FAM210A: variants seen among roughly 807,000 people sequenced by gnomAD.
FAM210A encodes mitochondrial inner membrane scaffold 1, also known as family with sequence similarity 210 member A.
A neutral mutation model predicts 25.3 loss-of-function variants in FAM210A; 13 were observed. The ratio of observed to expected loss-of-function variants is 0.51; its 90% CI spans 0.33 to 0.82. The LOEUF (loss-of-function observed/expected upper bound fraction) is 0.82. Among genes scored for constraint, FAM210A ranks in the 40% least tolerant of loss-of-function variants. The pLI is 0.02. For synonymous variants in FAM210A, 125 were observed against 118.7 expected (o/e 1.05, Z -0.35); for missense variants, 319 against 323.2 (o/e 0.99, Z 0.10).
At chr18:13,696,454 G>A (rs933574004) in intron 1 of FAM210A, among the ~76,000 whole-genome samples, 1 of 152,252 alleles carries the variant, frequency 6.6e-6, no homozygotes, top group African/African-American at 2.4e-5. Flanking sequence ...AGAAAATATT[G>A]TAAAACATTT....
chr18:13,676,061 T>C (rs551407083), intron 2 of FAM210A, among the ~76,000 whole-genome samples: 1 of 149,688 alleles, frequency 6.7e-6, no homozygotes, highest in African/African-American at 2.5e-5. Flanking sequence ...ATTATTAACA[T>C]TCCTGAGCCG....
chr18:13,686,533 T>C (rs1174369257), intron 1 of FAM210A, among the ~76,000 whole-genome samples: 1 of 152,208 alleles, frequency 6.6e-6, no homozygotes, highest in African/African-American at 2.4e-5. Context: ...TGCTAGTAAG[T>C]GTGTATATTC....
At chr18:13,687,966 C>T (rs543700884) in intron 1 of FAM210A, 3 of 152,266 alleles carry the variant, frequency 2.0e-5, no homozygotes, top group African/African-American at 7.2e-5. Flanking sequence ...CAGTAACAAA[C>T]CCTTCAATAT....
intron 1 of FAM210A, among the ~76,000 whole-genome samples, chr18:13,695,940 A>C (rs974816338): frequency 3.3e-5 from 5 of 152,246 alleles, no homozygotes; most frequent in African/African-American, 1.2e-4. Context: ...AACTGTCTTT[A>C]TAGATACTAG....
At chr18:13,672,689 T>G (rs1201246236) in intron 2 of FAM210A, among the ~76,000 whole-genome samples, 3 of 152,234 alleles carry the variant, frequency 2.0e-5, no homozygotes, top group Non-Finnish European at 4.4e-5. Flanking sequence ...ATTACAGGCA[T>G]GAGCCACAGT....
chr18:13,678,092 A>G (rs1315671438), intron 2 of FAM210A, among the ~76,000 whole-genome samples: 1 of 152,188 alleles, frequency 6.6e-6, no homozygotes, highest in Non-Finnish European at 1.5e-5. Flanking sequence ...TTCTTTTTCA[A>G]ATCTCTTTCT....
At chr18:13,695,975 T>TA (rs1253039517) in intron 1 of FAM210A, among the ~76,000 whole-genome samples, 1 of 152,072 alleles carries the variant, frequency 6.6e-6, no homozygotes, top group Admixed American at 6.6e-5. Flanking sequence ...AATTTGAAGT[T>TA]AAAAAATACC....
chr18:13,723,508 T>G (rs1356122253), intron 1 of FAM210A, among the ~76,000 whole-genome samples: 2 of 152,196 alleles, frequency 1.3e-5, no homozygotes, highest in African/African-American at 2.4e-5. Context: ...ACAGGAAACT[T>G]AGGCAGGAAT....
intron 2 of FAM210A, among the ~76,000 whole-genome samples, chr18:13,676,422 T>C (rs1437490790): frequency 4.5e-5 from 6 of 134,230 alleles, no homozygotes; most frequent in Non-Finnish European, 8.7e-5. Context: ...AGTTTCCTGA[T>C]TATTAACAGT....
At chr18:13,676,061 T>A (rs551407083) in intron 2 of FAM210A, among the ~76,000 whole-genome samples, 60 of 149,798 alleles carry the variant, frequency 4.0e-4, no homozygotes, top group Non-Finnish European at 7.7e-4. Context: ...ATTATTAACA[T>A]TCCTGAGCCG....
chr18:13,671,501 A>G (rs2043441734), intron 3 of FAM210A, among the ~76,000 whole-genome samples: 1 of 152,156 alleles, frequency 6.6e-6, no homozygotes, highest in Non-Finnish European at 1.5e-5. Context: ...TGAATGATCT[A>G]CCAATTTTTA....
At chr18:13,680,705 T>G (rs2043545922) in intron 2 of FAM210A, among the ~76,000 whole-genome samples, 1 of 152,180 alleles carries the variant, frequency 6.6e-6, no homozygotes, top group Non-Finnish European at 1.5e-5. Flanking sequence ...CTCTGGAAAG[T>G]ATAAAATAAT....
At chr18:13,684,980 A>G (rs2043584812) in intron 1 of FAM210A, among the ~76,000 whole-genome samples, 1 of 152,212 alleles carries the variant, frequency 6.6e-6, no homozygotes. Context: ...AACTTCTAAA[A>G]AGAAATTTAA....
rs534885890 is a variant in FAM210A, at chr18:13,689,314, A to G, written c.-28-7209T>C. On this transcript the variant is annotated intron_variant, in intron 1 of 3. Coordinates refer to ENST00000651643, the MANE Select transcript of FAM210A (RefSeq NM_152352.4). Reference sequence around the variant, plus strand: ...CCAATAAGCCTCCACTGACTGTGACACCTACCTCAGTCACTCATTTTGGTT... The same window carrying G: ...CCAATAAGCCTCCACTGACTGTGACGCCTACCTCAGTCACTCATTTTGGTT... Among the ~76,000 whole-genome samples, 202 of 152,264 alleles carry G rather than the reference A, an allele frequency of 1.3e-3. 1 individual carries two copies. Among genetic ancestry groups the G allele is most frequent in the African/African-American group, 4.8e-3 (198 of 41,548 alleles).
Position 13,682,103 on chromosome 18 carries a change from C to A in FAM210A, c.-26G>T. On this transcript the variant is annotated splice_region_variant and 5_prime_UTR_variant, in exon 2 of 4. Coordinates refer to ENST00000651643, the MANE Select transcript of FAM210A (RefSeq NM_152352.4). ...TTTGAAGAGTGTTGATAGGTTTCAG[C>A]TTCTACAAAGACAATTTTTCAAAAA... 6.6e-7 allele frequency: 1 copy of A among 1,523,884 alleles called. No individual in the cohort carries two copies. 94.4% of individuals were successfully genotyped at this position (1,523,884 alleles called of 1,614,324 possible). A position where few individuals can be genotyped will look rare whatever the true frequency, so the allele number is the denominator to read the frequency against.
chr18:13,685,019 C>T (rs1171883306), intron 1 of FAM210A, among the ~76,000 whole-genome samples: 1 of 151,930 alleles, frequency 6.6e-6, no homozygotes, highest in African/African-American at 2.4e-5. Flanking sequence ...GAAAAAAATA[C>T]AACTTAACAA....
intron 1 of FAM210A, among the ~76,000 whole-genome samples, chr18:13,696,175 A>C (rs997752935): frequency 6.6e-6 from 1 of 152,218 alleles, no homozygotes; most frequent in African/African-American, 2.4e-5. Context: ...CAGATTCAAC[A>C]ATAATATCCG....
intron 1 of FAM210A, among the ~76,000 whole-genome samples, chr18:13,724,006 T>C (rs1043765772): frequency 1.3e-5 from 2 of 152,188 alleles, no homozygotes; most frequent in African/African-American, 4.8e-5. Context: ...AAACAATCTC[T>C]ATGTTTCAAA....
intron 1 of FAM210A, among the ~76,000 whole-genome samples, chr18:13,691,433 C>T (rs906870553): frequency 6.6e-6 from 1 of 152,104 alleles, no homozygotes; most frequent in African/African-American, 2.4e-5. Context: ...ACAAGAAGAG[C>T]AACTCTGAGA....
Sources: allele counts gnomAD v4.1 joint callset (sites outside exome capture counted in the v4.1 genomes callset), GRCh38; gene constraint gnomAD v4.1.1; transcripts MANE v1.5; gene names NCBI Gene and HGNC (gene_info 2026-07-23, HGNC 2026-07-21).